Variants in CNTNAP2 observed in about 807,000 individuals in gnomAD.
The protein encoded by CNTNAP2 is contactin-associated protein-like 2.
A neutral mutation model predicts 155.2 loss-of-function variants in CNTNAP2; 98 were observed. The ratio of observed to expected loss-of-function variants is 0.63; its 90% CI spans 0.54 to 0.75. CNTNAP2 has a LOEUF of 0.75. Among genes scored for constraint, CNTNAP2 ranks in the 30% least tolerant of loss-of-function variants. The pLI is 0.00. For missense variants in CNTNAP2, 1,727 were observed against 1,688.1 expected, an observed-to-expected ratio of 1.02 and a Z score of -0.40; for synonymous variants, 651 against 631.2, an observed-to-expected ratio of 1.03 and a Z score of -0.47.
intron 15 of CNTNAP2, among the ~76,000 whole-genome samples, chr7:148,084,586 C>T (rs1039915354): frequency 2.6e-5 from 4 of 151,412 alleles, no homozygotes; most frequent in African/African-American, 7.3e-5. Flanking sequence ...CTATGCTAGA[C>T]AGGAAGAAAG....
At chr7:146,405,378 C>T (rs952523233) in intron 1 of CNTNAP2, among the ~76,000 whole-genome samples, 3 of 152,112 alleles carry the variant, frequency 2.0e-5, no homozygotes, top group Non-Finnish European at 4.4e-5. Context: ...TGCTCAGCAA[C>T]GTTGATACCT....
intron 13 of CNTNAP2, among the ~76,000 whole-genome samples, chr7:147,864,981 G>A (rs1447195280): frequency 6.6e-6 from 1 of 152,198 alleles, no homozygotes; most frequent in African/African-American, 2.4e-5. Flanking sequence ...GGAGTGATGA[G>A]AGAAGACATC....
At chr7:147,885,783 G>T (rs192854872) in intron 13 of CNTNAP2, among the ~76,000 whole-genome samples, 1 of 152,126 alleles carries the variant, frequency 6.6e-6, no homozygotes, top group African/African-American at 2.4e-5. Context: ...CTCACCGCTC[G>T]TTTACCTGCT....
At chr7:148,250,182 C>T (rs190800768) in intron 20 of CNTNAP2, among the ~76,000 whole-genome samples, 108 of 152,348 alleles carry the variant, frequency 7.1e-4, no homozygotes, top group African/African-American at 2.4e-3. Context: ...GCTAACCCCT[C>T]GAATCCCTCA....
intron 1 of CNTNAP2, among the ~76,000 whole-genome samples, chr7:146,406,005 C>T (rs1267505977): frequency 6.6e-6 from 1 of 152,022 alleles, no homozygotes; most frequent in Admixed American, 6.6e-5. Flanking sequence ...AGTGATCAAC[C>T]CACTAGATAT....
chr7:146,869,733 G>A (rs895751094), intron 3 of CNTNAP2, among the ~76,000 whole-genome samples: 25 of 152,064 alleles, frequency 1.6e-4, no homozygotes, highest in Admixed American at 4.6e-4. Context: ...GGAAGCATCC[G>A]TCATGGGAGA....
At chr7:146,903,453 C>T (rs1162400008) in intron 3 of CNTNAP2, among the ~76,000 whole-genome samples, 1 of 152,170 alleles carries the variant, frequency 6.6e-6, no homozygotes, top group East Asian at 1.9e-4. Flanking sequence ...TTCTGACCCC[C>T]ACTCCAACAA....
At chr7:148,370,211 A>T (rs1446904322) in intron 21 of CNTNAP2, among the ~76,000 whole-genome samples, 1 of 152,166 alleles carries the variant, frequency 6.6e-6, no homozygotes, top group African/African-American at 2.4e-5. Flanking sequence ...CTCTAGACTG[A>T]GGCAGAAGGA....
At chr7:146,869,847 T>G (rs572478853) in intron 3 of CNTNAP2, among the ~76,000 whole-genome samples, 35 of 152,150 alleles carry the variant, frequency 2.3e-4, no homozygotes, top group Non-Finnish European at 3.7e-4. Flanking sequence ...ACCCACAATG[T>G]GGGTACGTCT....
intron 3 of CNTNAP2, among the ~76,000 whole-genome samples, chr7:146,913,242 T>A (rs534686679): frequency 6.6e-6 from 1 of 152,240 alleles, no homozygotes; most frequent in African/African-American, 2.4e-5. Flanking sequence ...TTAGCTGACG[T>A]GCATGGTATC....
chr7:146,207,983 A>G (rs1798973403), intron 1 of CNTNAP2, among the ~76,000 whole-genome samples: 2 of 152,040 alleles, frequency 1.3e-5, no homozygotes, highest in Admixed American at 6.6e-5. Context: ...TATATCCTAG[A>G]GATACCATTA....
chr7:146,491,705 A>G (rs1224000627), intron 1 of CNTNAP2, among the ~76,000 whole-genome samples: 2 of 152,196 alleles, frequency 1.3e-5, no homozygotes, highest in Non-Finnish European at 2.9e-5. Context: ...CTATGGATTC[A>G]GAAGCTGAGA....
chr7:148,102,376 G>T (rs1804119006), intron 15 of CNTNAP2, among the ~76,000 whole-genome samples: 1 of 152,174 alleles, frequency 6.6e-6, no homozygotes, highest in Non-Finnish European at 1.5e-5. Context: ...GTCTGCTACT[G>T]ATGGACATTT....
chr7:146,284,401 A>G (rs1049706493), intron 1 of CNTNAP2, among the ~76,000 whole-genome samples: 2 of 152,024 alleles, frequency 1.3e-5, no homozygotes, highest in Non-Finnish European at 2.9e-5. Context: ...TAAAAGCTTT[A>G]CAAGGTTGAT....
intron 12 of CNTNAP2, among the ~76,000 whole-genome samples, chr7:147,627,115 G>C (rs1210419820): frequency 2.6e-5 from 4 of 152,116 alleles, no homozygotes; most frequent in African/African-American, 7.2e-5. Context: ...CTAGGGTAAG[G>C]GGGGAAGCAC....
chr7:147,331,045 G>T (rs1328707945), intron 9 of CNTNAP2, among the ~76,000 whole-genome samples: 1 of 152,148 alleles, frequency 6.6e-6, no homozygotes, highest in East Asian at 1.9e-4. Flanking sequence ...CATACAACTA[G>T]GGACTAGTGA....
At chr7:146,241,090 C>T (rs1477128373) in intron 1 of CNTNAP2, among the ~76,000 whole-genome samples, 4 of 152,126 alleles carry the variant, frequency 2.6e-5, no homozygotes, top group African/African-American at 4.8e-5. Context: ...TAGCACCAAG[C>T]GGGTAATGCT....
chr7:146,519,936 A>G (rs184043707), intron 1 of CNTNAP2, among the ~76,000 whole-genome samples: 24 of 151,636 alleles, frequency 1.6e-4, no homozygotes, highest in African/African-American at 5.8e-4. Context: ...TTTATGGGGG[A>G]AAAAAAACCT....
intron 21 of CNTNAP2, among the ~76,000 whole-genome samples, chr7:148,361,849 G>A (rs1038218588): frequency 6.6e-6 from 1 of 152,176 alleles, no homozygotes; most frequent in Non-Finnish European, 1.5e-5. Context: ...TCACAGGGCG[G>A]CAGGAGAGAG....
Sources: gnomAD v4.1 joint callset for allele counts (sites outside exome capture counted in the v4.1 genomes callset) on GRCh38, gnomAD v4.1.1 for gene constraint, MANE v1.5 for transcripts, NCBI Gene and HGNC (gene_info 2026-07-23, HGNC 2026-07-21) for gene names.